The following MIPEP variants were observed in gnomAD, a reference collection of about 807,000 sequenced individuals.
MIPEP encodes mitochondrial intermediate peptidase.
A neutral mutation model predicts 90.3 loss-of-function variants in MIPEP; 79 were observed. The observed-to-expected ratio is 0.87, with a 90% CI of 0.73 to 1.05. MIPEP has a LOEUF of 1.05. MIPEP is among the 50% of genes least tolerant of loss of function. The pLI, the probability that MIPEP is intolerant of heterozygous loss-of-function variation, is 0.00. For missense variants in MIPEP, 940 were observed against 905.6 expected (o/e 1.04, Z -0.49); for synonymous variants, 334 against 315.8 (o/e 1.06, Z -0.61).
chr13:23,881,289 T>C (rs1871261225), intron 3 of MIPEP, among the ~76,000 whole-genome samples: 1 of 152,206 alleles, frequency 6.6e-6, no homozygotes, highest in African/African-American at 2.4e-5. Context: ...AGCGATAATC[T>C]AGTAAGTCCA....
In MIPEP at chr13:23,841,353, G is replaced by A. The variant is rs749757346; in HGVS notation, c.1242C>T (p.Ser414=). Residue 414 remains serine (S), a synonymous_variant, in exon 11 of 19, where the codon AGC becomes AGT. Transcript: ENST00000382172. ...AEQPAKGEVW[S]EDVRKLAVVH... is the part of the protein sequence containing the mutation. ...AGCTCACCAGTTTTCGGACATCTTC[G>A]CTCCACACCTCTCCTTTTGCAGGCT... 12 of 1,611,638 alleles carry A rather than the reference G, an allele frequency of 7.4e-6. No individual in the cohort carries two copies. The highest frequency in any genetic ancestry group is 2.2e-5 in the South Asian group (2 of 90,334).
intron 2 of MIPEP, among the ~76,000 whole-genome samples, chr13:23,885,912 T>TAAAA (rs34069993): frequency 2.2e-5 from 3 of 134,916 alleles, no homozygotes; most frequent in Admixed American, 1.5e-4. Flanking sequence ...CTGTCTCTAT[T>TAAAA]AAAAAAAAAA....
chr13:23,741,823 T>A lies in MIPEP; in HGVS notation c.2045-11378A>T, dbSNP rs573073043. ...ATGTACACCGAACCTAGAAAAAAAA[T>A]TTAAAAAAAAAAAATAAAAGTTAAA... On this transcript the variant is annotated intron_variant, in intron 18 of 18. Coordinates refer to ENST00000382172, the MANE Select transcript of MIPEP (RefSeq NM_005932.4). 1.1e-4 allele frequency among the ~76,000 whole-genome samples: 16 copies of A among 139,792 alleles called. No individual in the cohort carries two copies. The South Asian group carries it at 3.4e-3, about 29-fold the overall frequency. The allele number at this position is 139,792 out of a possible 152,430, so 91.7% of individuals were successfully genotyped here.
In MIPEP at chr13:23,798,353, A is replaced by T. The variant is rs1314764062; in HGVS notation, c.1848+7597T>A. On this transcript the variant is annotated intron_variant, in intron 16 of 18. Coordinates refer to ENST00000382172, the MANE Select transcript of MIPEP (RefSeq NM_005932.4). ...TCACTTCTACATAATTAGACTTAAT[A>T]GAAATTAGTCTGAATAGAAACCAGT... Among the ~76,000 whole-genome samples the T allele has an allele frequency of 2.0e-5, 3 of 152,216 alleles. No individual in the cohort carries two copies. The East Asian group carries it at 5.8e-4, about 29-fold the overall frequency.
At chr13:23,831,268 C>G (rs1289041208) in intron 14 of MIPEP, among the ~76,000 whole-genome samples, 1 of 151,304 alleles carries the variant, frequency 6.6e-6, no homozygotes, top group Non-Finnish European at 1.5e-5. Context: ...AGGGCACAGA[C>G]AAATAGATCC....
chr13:23,788,616 C>T (rs144676480), intron 16 of MIPEP, among the ~76,000 whole-genome samples: 2 of 152,310 alleles, frequency 1.3e-5, no homozygotes, highest in Non-Finnish European at 2.9e-5. Flanking sequence ...GCAATTCTAC[C>T]ATGGGGCAGA....
At chr13:23,763,942 C>G (rs1442907995) in intron 16 of MIPEP, among the ~76,000 whole-genome samples, 5 of 152,190 alleles carry the variant, frequency 3.3e-5, no homozygotes, top group Non-Finnish European at 7.3e-5. Context: ...CTAATTCAAC[C>G]TAATATTAAG....
intron 18 of MIPEP, among the ~76,000 whole-genome samples, chr13:23,737,714 T>C (rs1455355507): frequency 6.6e-6 from 1 of 152,230 alleles, no homozygotes; most frequent in African/African-American, 2.4e-5. Context: ...AATATAATTA[T>C]TTGAAAACAT....
Position 23,879,027 on chromosome 13 carries a change from A to AG in MIPEP, c.539+240dup, listed in dbSNP as rs565978134. 4.6e-5 allele frequency among the ~76,000 whole-genome samples: 7 copies of AG among 152,346 alleles called. No individual in the cohort carries two copies. In the South Asian group the frequency reaches 1.4e-3, roughly 32 times the overall value. ...AAATAAACAAACAGGATACGTTGGA[A>AG]GGAACGAGGGCTATGAAGAAAAATA... On this transcript the variant is annotated intron_variant, in intron 4 of 18. Transcript: ENST00000382172.
intron 18 of MIPEP, among the ~76,000 whole-genome samples, chr13:23,745,253 A>G (rs1287541512): frequency 6.6e-6 from 1 of 152,234 alleles, no homozygotes; most frequent in Non-Finnish European, 1.5e-5. Flanking sequence ...AATCAGGTAT[A>G]GGTATAATTT....
At chr13:23,820,352 G>A (rs1268261666) in intron 14 of MIPEP, among the ~76,000 whole-genome samples, 2 of 152,144 alleles carry the variant, frequency 1.3e-5, no homozygotes, top group African/African-American at 2.4e-5. Context: ...TAAATTATAC[G>A]TAGTCCTACC....
chr13:23,837,795 T>A (rs754545772), intron 12 of MIPEP, 39 bp from the exon 13 acceptor site: 1 of 1,524,760 alleles, frequency 6.6e-7, no homozygotes, highest in Non-Finnish European at 9.1e-7. Context: ...AAGAAAGTAT[T>A]TGGTAATGTG....
intron 15 of MIPEP, among the ~76,000 whole-genome samples, chr13:23,807,453 A>G (rs1267485375): frequency 6.6e-6 from 1 of 152,230 alleles, no homozygotes; most frequent in African/African-American, 2.4e-5. Flanking sequence ...TAGTTTGGTT[A>G]AAAGAGAAAA....
intron 3 of MIPEP, among the ~76,000 whole-genome samples, chr13:23,880,439 T>C (rs529347969): frequency 5.3e-5 from 8 of 152,224 alleles, no homozygotes; most frequent in Non-Finnish European, 8.8e-5. Flanking sequence ...CTCCCAGTAG[T>C]ATGTTTTATG....
chr13:23,884,444 T>C (rs1239502779), intron 2 of MIPEP, among the ~76,000 whole-genome samples: 1 of 152,180 alleles, frequency 6.6e-6, no homozygotes, highest in African/African-American at 2.4e-5. Context: ...TAAGGATTCA[T>C]GAGACCTGAG....
intron 16 of MIPEP, among the ~76,000 whole-genome samples, chr13:23,802,691 G>C (rs557078886): frequency 1.3e-5 from 2 of 152,036 alleles, no homozygotes; most frequent in African/African-American, 4.8e-5. Context: ...CCAACTTAAA[G>C]ATTTTTTAAC....
At chr13:23,835,305 G>A (rs1314020600) in intron 14 of MIPEP, among the ~76,000 whole-genome samples, 1 of 151,852 alleles carries the variant, frequency 6.6e-6, no homozygotes, top group East Asian at 1.9e-4. Flanking sequence ...ACAGGCATGA[G>A]CCACTGTGCC....
At chr13:23,828,837 G>A (rs1477132001) in intron 14 of MIPEP, among the ~76,000 whole-genome samples, 1 of 152,110 alleles carries the variant, frequency 6.6e-6, no homozygotes, top group Non-Finnish European at 1.5e-5. Flanking sequence ...AGAATACAAA[G>A]GTCCAAGAGT....
At chr13:23,751,775 C>T (rs1297671379) in intron 18 of MIPEP, among the ~76,000 whole-genome samples, 4 of 152,122 alleles carry the variant, frequency 2.6e-5, no homozygotes, top group Admixed American at 6.5e-5. Flanking sequence ...TCCATCAGGA[C>T]CCCCATGGCT....
Sources: allele counts gnomAD v4.1 joint callset (sites outside exome capture counted in the v4.1 genomes callset), GRCh38; gene constraint gnomAD v4.1.1; transcripts MANE v1.5; gene names NCBI Gene and HGNC (gene_info 2026-07-23, HGNC 2026-07-21).